COL11A1: variants seen among roughly 807,000 people sequenced by gnomAD.
COL11A1 encodes collagen type XI alpha 1 chain, also known as collagen alpha-1(XI) chain.
In COL11A1, 74 loss-of-function variants were observed where a neutral mutation model predicts 265.2. The observed-to-expected ratio is 0.28, with a 90% CI of 0.23 to 0.34. The LOEUF is 0.34. Ranked by LOEUF, COL11A1 falls within the 10% of genes least tolerant of loss-of-function variation. COL11A1 has a pLI of 1.00. For synonymous variants in COL11A1, 816 were observed against 727.6 expected (o/e 1.12, Z -1.96); for missense variants, 2,165 against 2,263.6 (o/e 0.96, Z 0.88).
intron 46 of COL11A1, among the ~76,000 whole-genome samples, chr1:102,928,793 G>A (rs1656974425): frequency 7.0e-6 from 1 of 143,182 alleles, no homozygotes; most frequent in African/African-American, 2.6e-5. Flanking sequence ...CATTCTAACT[G>A]GTGTGAGATG....
In COL11A1 at chr1:103,078,708, A is replaced by G; in HGVS notation, c.438T>C (p.Pro146=). 1 of 1,613,492 alleles carries G rather than the reference A, an allele frequency of 6.2e-7. No homozygotes were observed. Among genetic ancestry groups the G allele is most frequent in the Non-Finnish European group, 8.5e-7 (1 of 1,179,636 alleles). Reference sequence around the variant, plus strand: ...TGAAGAGGGGATAGTCTTCTGGGGCAGGTTTTCCAGTGTGGTCTTCAAACA... The same window carrying G: ...TGAAGAGGGGATAGTCTTCTGGGGCGGGTTTTCCAGTGTGGTCTTCAAACA... ...VFLFEDHTGK[P]APEDYPLFRT... The change falls in exon 3 of 67, where the codon CCT becomes CCC. Residue 146 remains proline, a synonymous_variant. Coordinates refer to ENST00000370096, the MANE Select transcript of COL11A1 (RefSeq NM_001854.4).
In COL11A1 at chr1:102,946,940, C is replaced by T. The variant is rs1234848212; in HGVS notation, c.3185G>A (p.Arg1062His). ...PPGPVGSPGERGSAGTAGPIG... is the reference protein window; with the variant it reads ...PPGPVGSPGEHGSAGTAGPIG... ...TGGGCCAGCTGTACCTGCTGACCCA[C>T]GTTCTCCTGGTGAGCCCTAGTATAC... is the stretch of plus-strand genomic sequence containing the variant. The change falls in exon 42 of 67, where the codon CGT becomes CAT. Residue 1062 changes from arginine to histidine, a missense_variant. Arg to His is a conservative substitution (Grantham distance 29, BLOSUM62 0). Transcript: ENST00000370096. 2.5e-6 allele frequency: 4 copies of T among 1,612,518 alleles called. No homozygotes were observed. Among genetic ancestry groups the T allele is most frequent in the South Asian group, 1.1e-5 (1 of 90,690 alleles).
At chr1:103,029,158 T>A (rs1249475016) in intron 5 of COL11A1, among the ~76,000 whole-genome samples, 3 of 151,988 alleles carry the variant, frequency 2.0e-5, no homozygotes, top group Non-Finnish European at 4.4e-5. Context: ...GTAGACAAAA[T>A]TATAAGCTGA....
chr1:102,890,589 T>C, intron 57 of COL11A1, 85 bp from the exon 58 acceptor site: 1 of 1,169,134 alleles, frequency 8.6e-7, no homozygotes, highest in Non-Finnish European at 1.2e-6. Flanking sequence ...CAGACCTAGT[T>C]TAGTTTTGAA....
intron 1 of COL11A1, among the ~76,000 whole-genome samples, chr1:103,104,746 T>G (rs1674559862): frequency 1.3e-5 from 2 of 152,206 alleles, no homozygotes; most frequent in Non-Finnish European, 2.9e-5. Context: ...TGATCAATTT[T>G]GAATTTAAAA....
rs180762979 is a variant in COL11A1, at chr1:102,896,810, G to A, written c.4302+1315C>T. Among the ~76,000 whole-genome samples, 17 of 152,206 alleles carry A rather than the reference G, an allele frequency of 1.1e-4. No homozygotes were observed. In the East Asian group the frequency reaches 2.3e-3, roughly 21 times the overall value. ...CTGCAGAAAGGTCAAAATATTTACC[G>A]GAAAATCTGAAATAACAAGAAAAAA... On this transcript the variant is annotated intron_variant, in intron 57 of 66. Transcript: ENST00000370096.
chr1:102,958,061 A>G (rs931836589), intron 41 of COL11A1, among the ~76,000 whole-genome samples: 3 of 152,120 alleles, frequency 2.0e-5, no homozygotes, highest in Non-Finnish European at 4.4e-5. Flanking sequence ...GTTTCTGTGA[A>G]TTCCTGTCTT....
chr1:102,907,157 T>C (rs934143009), intron 54 of COL11A1, among the ~76,000 whole-genome samples: 1 of 152,116 alleles, frequency 6.6e-6, no homozygotes, highest in African/African-American at 2.4e-5. Context: ...AAGCAATGCA[T>C]AGTCACCACC....
At chr1:103,095,459 G>T (rs146354608) in intron 1 of COL11A1, among the ~76,000 whole-genome samples, 31 of 152,060 alleles carry the variant, frequency 2.0e-4, no homozygotes, top group Middle Eastern at 3.4e-3. Flanking sequence ...ATAAGAAAAT[G>T]ATATTTGGGC....
At chr1:102,930,671 C>T (rs980455146) in intron 46 of COL11A1, among the ~76,000 whole-genome samples, 24 of 152,160 alleles carry the variant, frequency 1.6e-4, no homozygotes, top group Non-Finnish European at 2.8e-4. Context: ...GGAATGGTAC[C>T]AGTTCCTCCT....
intron 4 of COL11A1, among the ~76,000 whole-genome samples, chr1:103,054,525 T>A (rs550998426): frequency 2.3e-4 from 35 of 152,254 alleles, no homozygotes; most frequent in African/African-American, 7.7e-4. Context: ...TAACCATATC[T>A]GTGTTTTTCA....
intron 46 of COL11A1, among the ~76,000 whole-genome samples, chr1:102,927,901 C>T (rs12138977): frequency 0.53 from 80,920 of 151,960 alleles, 25,785 homozygotes; most frequent in East Asian, 0.77. Flanking sequence ...GGCAGGATCC[C>T]ATTTCTCAAA....
chr1:102,895,399 AG>A (rs1362159243), intron 57 of COL11A1, among the ~76,000 whole-genome samples: 1 of 152,110 alleles, frequency 6.6e-6, no homozygotes, highest in Non-Finnish European at 1.5e-5. Context: ...GGTGGGGAAA[AG>A]GGGAATGTCT....
At chr1:102,946,699 C>T (rs751767795) in intron 42 of COL11A1, 150 bp downstream of exon 42, 3 of 654,332 alleles carry the variant, frequency 4.6e-6, no homozygotes, top group Non-Finnish European at 8.2e-6. Flanking sequence ...GAAATTTTCT[C>T]TATTATACAT....
intron 28 of COL11A1, among the ~76,000 whole-genome samples, chr1:102,989,938 C>T (rs1057094365): frequency 6.6e-6 from 1 of 152,064 alleles, no homozygotes; most frequent in African/African-American, 2.4e-5. Flanking sequence ...GTAATCCCCA[C>T]ACTTTGGTAG....
At chr1:103,017,117 T>C (rs968045423) in intron 11 of COL11A1, among the ~76,000 whole-genome samples, 3 of 152,090 alleles carry the variant, frequency 2.0e-5, no homozygotes, top group African/African-American at 7.2e-5. Flanking sequence ...ATGAACTTTA[T>C]TTTAAATAAA....
At chr1:102,907,503 T>G (rs1419431109) in intron 54 of COL11A1, among the ~76,000 whole-genome samples, 1 of 152,052 alleles carries the variant, frequency 6.6e-6, no homozygotes, top group African/African-American at 2.4e-5. Context: ...CAACCCACTT[T>G]TTTTCCACAG....
At chr1:103,009,792 A>G (rs1571022284) in intron 14 of COL11A1, among the ~76,000 whole-genome samples, 1 of 152,164 alleles carries the variant, frequency 6.6e-6, no homozygotes, top group East Asian at 1.9e-4. Flanking sequence ...CACAAAATAC[A>G]AAAAGTCAAG....
At chr1:103,102,605 C>T (rs1674369049) in intron 1 of COL11A1, among the ~76,000 whole-genome samples, 1 of 151,930 alleles carries the variant, frequency 6.6e-6, no homozygotes, top group Non-Finnish European at 1.5e-5. Flanking sequence ...GCCATCCATG[C>T]TTGATTACTT....
Sources: gnomAD v4.1 joint callset for allele counts (sites outside exome capture counted in the v4.1 genomes callset) on GRCh38, gnomAD v4.1.1 for gene constraint, MANE v1.5 for transcripts, NCBI Gene and HGNC (gene_info 2026-07-23, HGNC 2026-07-21) for gene names.